OLA1: variants seen among roughly 807,000 people sequenced by gnomAD.
OLA1 encodes the protein Obg like ATPase 1.
A neutral mutation model predicts 48.4 loss-of-function variants in OLA1; 14 were observed. The observed-to-expected ratio is 0.29, with a 90% CI of 0.19 to 0.45. OLA1 has a LOEUF of 0.45. Among genes scored for constraint, OLA1 ranks in the 20% least tolerant of loss-of-function variants. The pLI is 1.00. For missense variants in OLA1, 325 were observed against 467.1 expected (o/e 0.70, Z 2.80); for synonymous variants, 127 against 150.4 (o/e 0.84, Z 1.14).
chr2:174,136,064 TGTCA>T (rs1686304406), intron 5 of OLA1, among the ~76,000 whole-genome samples: 1 of 152,242 alleles, frequency 6.6e-6, no homozygotes, highest in Non-Finnish European at 1.5e-5. Context: ...TCATCTCTGC[TGTCA>T]GTGAGTTGTA....
chr2:174,103,059 A>G (rs1426773219), intron 7 of OLA1, among the ~76,000 whole-genome samples: 2 of 152,142 alleles, frequency 1.3e-5, no homozygotes, highest in Non-Finnish European at 2.9e-5. Context: ...TTGTTCTAAG[A>G]TCGGAGAAAT....
intron 4 of OLA1, among the ~76,000 whole-genome samples, chr2:174,161,326 A>G (rs1217505389): frequency 6.6e-6 from 1 of 152,224 alleles, no homozygotes; most frequent in Non-Finnish European, 1.5e-5. Flanking sequence ...GCCTACTTAT[A>G]CACATGCTGT....
At chr2:174,124,754 A>G (rs1343207442) in intron 5 of OLA1, among the ~76,000 whole-genome samples, 4 of 152,226 alleles carry the variant, frequency 2.6e-5, no homozygotes, top group Non-Finnish European at 4.4e-5. Context: ...ATTTTTATCA[A>G]TGTATTTTAC....
At chr2:174,226,709 G>A (rs1688624929) in intron 3 of OLA1, among the ~76,000 whole-genome samples, 1 of 152,132 alleles carries the variant, frequency 6.6e-6, no homozygotes, top group Non-Finnish European at 1.5e-5. Context: ...ATGTTAGTCA[G>A]GCTGGTCTTG....
intron 7 of OLA1, among the ~76,000 whole-genome samples, chr2:174,106,688 A>G (rs1215303803): frequency 6.6e-6 from 1 of 152,142 alleles, no homozygotes; most frequent in Non-Finnish European, 1.5e-5. Flanking sequence ...GAAGTCAATA[A>G]TAATGCTGCA....
intron 4 of OLA1, among the ~76,000 whole-genome samples, chr2:174,157,649 A>T (rs1686917862): frequency 6.6e-6 from 1 of 152,224 alleles, no homozygotes; most frequent in Non-Finnish European, 1.5e-5. Flanking sequence ...CTGTTTAAAA[A>T]AACTATTTTA....
chr2:174,161,897 A>C (rs1687021665), intron 4 of OLA1, among the ~76,000 whole-genome samples: 1 of 152,156 alleles, frequency 6.6e-6, no homozygotes, highest in African/African-American at 2.4e-5. Flanking sequence ...TAAAAAGCGT[A>C]TTTTAGGTAT....
intron 4 of OLA1, among the ~76,000 whole-genome samples, chr2:174,167,204 T>C (rs921439225): frequency 2.0e-5 from 3 of 152,198 alleles, no homozygotes; most frequent in African/African-American, 7.2e-5. Flanking sequence ...ACTGAATCTT[T>C]TACATCTTCT....
intron 7 of OLA1, among the ~76,000 whole-genome samples, chr2:174,111,653 C>T (rs2105359527): frequency 6.6e-6 from 1 of 152,132 alleles, no homozygotes; most frequent in East Asian, 1.9e-4. Context: ...AGTACTAAAC[C>T]AGAACATTAT....
At chr2:174,231,973 C>T (rs559370707) in intron 2 of OLA1, among the ~76,000 whole-genome samples, 1 of 152,152 alleles carries the variant, frequency 6.6e-6, no homozygotes, top group East Asian at 1.9e-4. Context: ...TAAACACACA[C>T]ACACGCACCC....
intron 4 of OLA1, among the ~76,000 whole-genome samples, chr2:174,213,595 G>A (rs1051026585): frequency 2.6e-5 from 4 of 152,074 alleles, no homozygotes; most frequent in African/African-American, 7.2e-5. Flanking sequence ...AAAAACTGGC[G>A]AAGTCATATT....
intron 10 of OLA1, 128 bp from the exon 11 acceptor site, chr2:174,075,655 A>T (rs562428273): frequency 1.6e-6 from 1 of 622,172 alleles, no homozygotes. Flanking sequence ...AATGAAATAT[A>T]GGAAGGCATA....
At chr2:174,090,792 G>A (rs1280865968) in intron 7 of OLA1, among the ~76,000 whole-genome samples, 1 of 152,154 alleles carries the variant, frequency 6.6e-6, no homozygotes, top group Non-Finnish European at 1.5e-5. Flanking sequence ...ATTTGTAGCT[G>A]AAGGCATCCC....
At chr2:174,189,419 G>T (rs1687727737) in intron 4 of OLA1, among the ~76,000 whole-genome samples, 1 of 151,930 alleles carries the variant, frequency 6.6e-6, no homozygotes, top group African/African-American at 2.4e-5. Flanking sequence ...TATCTATAAA[G>T]AAGTCTTAGG....
intron 4 of OLA1, 46 bp from the exon 5 acceptor site, chr2:174,142,046 C>A (rs762890523): frequency 2.7e-6 from 4 of 1,497,116 alleles, no homozygotes; most frequent in East Asian, 2.3e-5. Flanking sequence ...AATAATACAG[C>A]GTGTTCATTA....
chr2:174,118,378 A>G (rs1558962130), intron 7 of OLA1, among the ~76,000 whole-genome samples: 1 of 152,206 alleles, frequency 6.6e-6, no homozygotes, highest in Non-Finnish European at 1.5e-5. Flanking sequence ...TTGTTTTTGA[A>G]TTATTCAACA....
At chr2:174,157,451 A>C (rs1434822508) in intron 4 of OLA1, among the ~76,000 whole-genome samples, 1 of 152,208 alleles carries the variant, frequency 6.6e-6, no homozygotes, top group South Asian at 2.1e-4. Context: ...ATGCCATTTA[A>C]AAGTTATACT....
intron 4 of OLA1, among the ~76,000 whole-genome samples, chr2:174,220,039 C>T (rs897734525): frequency 3.9e-5 from 6 of 151,944 alleles, no homozygotes; most frequent in Non-Finnish European, 8.8e-5. Flanking sequence ...GGTTGAGGCA[C>T]GAGAATTGCT....
rs1254110185 is a variant in OLA1, at chr2:174,178,765, T to G, written c.374-36765A>C. 2.0e-5 allele frequency among the ~76,000 whole-genome samples: 3 copies of G among 151,978 alleles called. No homozygotes were observed. In the East Asian group the frequency reaches 5.8e-4, roughly 29 times the overall value. ...GCAAAATTATTTTATGTTGTAAAAC[T>G]AGTTCCAAAAAACTTGTACAAACTT... On this transcript the variant is annotated intron_variant, in intron 4 of 10. Transcript: ENST00000284719.
Sources: gnomAD v4.1 joint callset for allele counts (sites outside exome capture counted in the v4.1 genomes callset) on GRCh38, gnomAD v4.1.1 for gene constraint, MANE v1.5 for transcripts, NCBI Gene and HGNC (gene_info 2026-07-23, HGNC 2026-07-21) for gene names.